Variants in NAE1 observed in about 807,000 individuals in gnomAD.
The protein encoded by NAE1 is NEDD8-activating enzyme E1 regulatory subunit.
In NAE1, 59 loss-of-function variants were observed where a neutral mutation model predicts 88.0. That is an observed-to-expected ratio of 0.67 (90% confidence interval 0.54 to 0.83). The LOEUF (loss-of-function observed/expected upper bound fraction) is 0.83, where lower values mean the gene tolerates loss of function less well. Among genes scored for constraint, NAE1 ranks in the 40% least tolerant of loss-of-function variants. The probability of loss-of-function intolerance (pLI) is 0.00; values close to 1 mark genes in which losing one functional copy is unlikely to be tolerated. For missense variants in NAE1, 554 were observed against 632.8 expected (o/e 0.88, Z 1.34); for synonymous variants, 186 against 208.9 (o/e 0.89, Z 0.95).
chr16:66,808,031 C>T (rs527837776), intron 17 of NAE1, among the ~76,000 whole-genome samples: 1 of 152,070 alleles, frequency 6.6e-6, no homozygotes, highest in East Asian at 1.9e-4. Context: ...GCTGAGTCTA[C>T]AAGTGCACAC....
In NAE1 at chr16:66,803,087, G is replaced by A; in HGVS notation, c.1527C>T (p.Ile509=). Residue 509 remains isoleucine, a synonymous_variant, in exon 20 of 20, where the codon ATC becomes ATT. Coordinates refer to ENST00000290810, the MANE Select transcript of NAE1 (RefSeq NM_003905.4). Reference sequence around the variant, plus strand: ...TATTAAAAATTACAAATTGTTTGGTGATTATTTTGATGACCTCTTGAGCAG... The same window carrying A: ...TATTAAAAATTACAAATTGTTTGGTAATTATTTTGATGACCTCTTGAGCAG... ...GAAAQEVIKI[I]TKQFVIFNNT... The A allele has an allele frequency of 6.2e-7, 1 of 1,611,362 alleles. No individual in the cohort carries two copies. The highest frequency in any genetic ancestry group is 8.5e-7 in the Non-Finnish European group (1 of 1,178,434).
At chr16:66,804,261 A>C (rs773727615) in intron 19 of NAE1, among the ~76,000 whole-genome samples, 150 of 151,682 alleles carry the variant, frequency 9.9e-4, no homozygotes, top group Non-Finnish European at 2.8e-4. Context: ...AAAAACAAAG[A>C]AAACCTTCAA....
intron 9 of NAE1, 95 bp from the exon 10 acceptor site, chr16:66,817,123 C>A: frequency 7.0e-7 from 1 of 1,419,714 alleles, no homozygotes; most frequent in Non-Finnish European, 9.3e-7. Context: ...CATAAGATTT[C>A]ATCAACAAAT....
At chr16:66,828,222 G>A in intron 1 of NAE1, 1 of 602,422 alleles carries the variant, frequency 1.7e-6, no homozygotes, top group Non-Finnish European at 2.9e-6. Flanking sequence ...TGGGCGCAGT[G>A]GCTCACGCCT....
chr16:66,820,515 T>C (rs547899483), intron 7 of NAE1, among the ~76,000 whole-genome samples: 81 of 152,178 alleles, frequency 5.3e-4, no homozygotes, highest in Non-Finnish European at 9.3e-4. Context: ...CCCAGCACCT[T>C]GGGAGGCCAA....
At chr16:66,822,711 A>C (rs1469747557) in intron 6 of NAE1, among the ~76,000 whole-genome samples, 4 of 147,466 alleles carry the variant, frequency 2.7e-5, no homozygotes, top group Non-Finnish European at 3.0e-5. Flanking sequence ...CTCTGTCACA[A>C]GGGCTGGAGT....
At chr16:66,828,490 C>CAA (rs1323582340) in intron 1 of NAE1, among the ~76,000 whole-genome samples, 24 of 60,090 alleles carry the variant, frequency 4.0e-4, no homozygotes, top group African/African-American at 1.2e-3. Context: ...GACTCCGTCT[C>CAA]AAAAAAAAAA....
intron 4 of NAE1, among the ~76,000 whole-genome samples, chr16:66,824,350 T>C (rs899228218): frequency 1.1e-4 from 17 of 152,084 alleles, no homozygotes; most frequent in Non-Finnish European, 2.1e-4. Context: ...CTCAGCACTT[T>C]GGGAGGCTGA....
intron 16 of NAE1, 56 bp from the exon 17 acceptor site, chr16:66,808,669 T>G: frequency 8.1e-7 from 1 of 1,235,330 alleles, no homozygotes; most frequent in Non-Finnish European, 1.2e-6. Context: ...TAACAAACAA[T>G]GAAGGGCTGA....
At chr16:66,812,804 C>T (rs2145323298) in intron 13 of NAE1, among the ~76,000 whole-genome samples, 1 of 151,130 alleles carries the variant, frequency 6.6e-6, no homozygotes, top group African/African-American at 2.4e-5. Flanking sequence ...CAGGCGTGAG[C>T]CACCACGCCC....
At chr16:66,808,886 T>C (rs991678202) in intron 16 of NAE1, 103 bp downstream of exon 16, 4 of 731,108 alleles carry the variant, frequency 5.5e-6, no homozygotes, top group Non-Finnish European at 8.5e-6. Context: ...GTTTACGTTA[T>C]CTTTAATATC....
chr16:66,803,306 T>G (rs1959429157), intron 19 of NAE1, among the ~76,000 whole-genome samples, 188 bp from the exon 20 acceptor site: 1 of 152,168 alleles, frequency 6.6e-6, no homozygotes, highest in African/African-American at 2.4e-5. Flanking sequence ...TTAAAGGAAA[T>G]CTAAACAGTA....
At chr16:66,803,759 T>A (rs1469862357) in intron 19 of NAE1, among the ~76,000 whole-genome samples, 1 of 151,914 alleles carries the variant, frequency 6.6e-6, no homozygotes, top group African/African-American at 2.4e-5. Flanking sequence ...CCTGGATAAT[T>A]TTTTTGTATT....
Position 66,802,920 on chromosome 16 carries a change from C to A in NAE1, c.*89G>T. On this transcript the variant is annotated 3_prime_UTR_variant, in exon 20 of 20. Transcript: ENST00000290810. ...GTTTATTAAGAAAACAATTTAGCAG[C>A]TCTCCTTTAGAATTTTACAGACTAA... is the stretch of plus-strand genomic sequence containing the variant. 1 of 781,058 alleles carries A rather than the reference C, an allele frequency of 1.3e-6. No homozygotes were observed. The highest frequency in any genetic ancestry group is 1.6e-5 in the South Asian group (1 of 64,268). The allele number at this position is 781,058 out of a possible 1,614,324, so 48.4% of individuals were successfully genotyped here.
intron 1 of NAE1, 58 bp downstream of exon 1, chr16:66,830,789 C>G: frequency 6.8e-7 from 1 of 1,479,476 alleles, no homozygotes; most frequent in Non-Finnish European, 9.0e-7. Context: ...CCCTTAGGCC[C>G]GGCCCGAATG....
At chr16:66,828,255 C>T (rs893003618) in intron 1 of NAE1, 23 of 459,008 alleles carry the variant, frequency 5.0e-5, no homozygotes, top group South Asian at 1.1e-4. Flanking sequence ...CTTTGGGAGG[C>T]GGAGGCAGGC....
At chr16:66,823,357 T>C in intron 5 of NAE1, 51 bp from the exon 6 acceptor site, 1 of 1,458,392 alleles carries the variant, frequency 6.9e-7, no homozygotes, top group Non-Finnish European at 9.4e-7. Context: ...AATTTCACAA[T>C]CATATTAAAC....
At chr16:66,822,795 G>C (rs990261711) in intron 6 of NAE1, among the ~76,000 whole-genome samples, 1 of 149,618 alleles carries the variant, frequency 6.7e-6, no homozygotes, top group East Asian at 2.0e-4. Context: ...TCAGCTTCCC[G>C]AGTAGCTGGG....
chr16:66,818,497 CTG>C (rs1367332440), intron 8 of NAE1, 29 bp downstream of exon 8: 2 of 1,541,286 alleles, frequency 1.3e-6, no homozygotes, highest in African/African-American at 2.8e-5. Flanking sequence ...TTAAGTCTAT[CTG>C]TAAATGTAAG....
Sources: gnomAD v4.1 joint callset for allele counts (sites outside exome capture counted in the v4.1 genomes callset) on GRCh38, gnomAD v4.1.1 for gene constraint, MANE v1.5 for transcripts, NCBI Gene and HGNC (gene_info 2026-07-23, HGNC 2026-07-21) for gene names.